The following CHST11 variants were observed in gnomAD, a reference collection of about 807,000 sequenced individuals.
CHST11 encodes carbohydrate sulfotransferase 11.
A neutral mutation model predicts 30.4 loss-of-function variants in CHST11; 9 were observed. That is an observed-to-expected ratio of 0.30 (90% CI 0.18 to 0.52). The LOEUF is 0.52. CHST11 is among the 20% of genes least tolerant of loss of function. The pLI is 0.97. For synonymous variants in CHST11, 152 were observed against 187.8 expected, an observed-to-expected ratio of 0.81 and a Z score of 1.56; for missense variants, 348 against 460.6, an observed-to-expected ratio of 0.76 and a Z score of 2.24.
chr12:104,487,256 T>G (rs765348112), intron 1 of CHST11, among the ~76,000 whole-genome samples: 1 of 152,130 alleles, frequency 6.6e-6, no homozygotes, highest in Non-Finnish European at 1.5e-5. Context: ...ATATGTTGGT[T>G]TTTCTTTTTT....
At chr12:104,755,918 C>G (rs529704618) in intron 2 of CHST11, among the ~76,000 whole-genome samples, 11 of 152,176 alleles carry the variant, frequency 7.2e-5, no homozygotes, top group East Asian at 3.9e-4. Flanking sequence ...GGGACCCCCC[C>G]CTCCGGTTAT....
At chr12:104,571,925 G>A (rs190098681) in intron 1 of CHST11, among the ~76,000 whole-genome samples, 1 of 152,094 alleles carries the variant, frequency 6.6e-6, no homozygotes, top group Non-Finnish European at 1.5e-5. Context: ...TAGCATGAAG[G>A]GTTGTTGAAT....
chr12:104,472,912 T>A (rs990040363), intron 1 of CHST11, among the ~76,000 whole-genome samples: 12 of 151,998 alleles, frequency 7.9e-5, no homozygotes, highest in African/African-American at 2.9e-4. Flanking sequence ...GGAAAGACAT[T>A]CCAGGTGAGG....
At chr12:104,619,205 A>C (rs1352068457) in intron 2 of CHST11, among the ~76,000 whole-genome samples, 1 of 151,974 alleles carries the variant, frequency 6.6e-6, no homozygotes, top group East Asian at 1.9e-4. Context: ...TGCCGGCTAC[A>C]CCTCTCGGTT....
At chr12:104,702,911 C>A (rs2040001649) in intron 2 of CHST11, among the ~76,000 whole-genome samples, 1 of 152,206 alleles carries the variant, frequency 6.6e-6, no homozygotes, top group Admixed American at 6.5e-5. Context: ...GACTTGGAGT[C>A]CAAGTCCTCC....
chr12:104,563,406 G>A (rs1185186199), intron 1 of CHST11, among the ~76,000 whole-genome samples: 2 of 152,188 alleles, frequency 1.3e-5, no homozygotes, highest in Non-Finnish European at 2.9e-5. Context: ...CAAAGCAGTC[G>A]TTGTGATCAC....
At chr12:104,646,939 A>T (rs1056826832) in intron 2 of CHST11, among the ~76,000 whole-genome samples, 2 of 152,230 alleles carry the variant, frequency 1.3e-5, no homozygotes, top group African/African-American at 4.8e-5. Flanking sequence ...ACAGTGAGCA[A>T]AGCCAAGTAC....
Position 104,598,421 on chromosome 12 carries a change from G to A in CHST11, c.119-3485G>A, listed in dbSNP as rs187336786. ...TACAGTGTCTTCTGAGGTAGATGGAGCCAGGTTGTGTGGAAATTGTTTATT... is the reference window on the plus strand; with the variant it reads ...TACAGTGTCTTCTGAGGTAGATGGAACCAGGTTGTGTGGAAATTGTTTATT... On this transcript the variant is annotated intron_variant, in intron 1 of 2. Transcript: ENST00000303694. Among the ~76,000 whole-genome samples the A allele has an allele frequency of 2.6e-5, 4 of 152,316 alleles. No individual in the cohort carries two copies. The East Asian group carries it at 7.7e-4, about 29-fold the overall frequency.
intron 2 of CHST11, among the ~76,000 whole-genome samples, chr12:104,671,345 G>T (rs2039695715): frequency 6.6e-6 from 1 of 152,180 alleles, no homozygotes; most frequent in African/African-American, 2.4e-5. Context: ...ATTTGGTTTT[G>T]CTGTGCCTTC....
At chr12:104,495,414 C>A (rs964937893) in intron 1 of CHST11, among the ~76,000 whole-genome samples, 1 of 152,104 alleles carries the variant, frequency 6.6e-6, no homozygotes, top group Non-Finnish European at 1.5e-5. Flanking sequence ...CCACAGTGGT[C>A]GTGCCATTTT....
intron 1 of CHST11, among the ~76,000 whole-genome samples, chr12:104,463,889 C>T (rs1437927013): frequency 1.3e-5 from 2 of 152,022 alleles, no homozygotes; most frequent in African/African-American, 2.4e-5. Flanking sequence ...CGGAGGCAGC[C>T]AACAACCACA....
intron 1 of CHST11, among the ~76,000 whole-genome samples, chr12:104,590,265 G>C (rs373553223): frequency 1.3e-5 from 2 of 152,208 alleles, no homozygotes; most frequent in East Asian, 1.9e-4. Flanking sequence ...CCCCTGGGGT[G>C]CTCATCAAGC....
intron 2 of CHST11, among the ~76,000 whole-genome samples, chr12:104,747,468 C>CT (rs1056733992): frequency 1.2e-4 from 19 of 152,176 alleles, no homozygotes; most frequent in African/African-American, 4.3e-4. Flanking sequence ...ATATGTGACC[C>CT]TTTTTTTGCT....
chr12:104,653,157 G>A (rs779318401), intron 2 of CHST11, among the ~76,000 whole-genome samples: 57 of 151,932 alleles, frequency 3.8e-4, no homozygotes, highest in Non-Finnish European at 6.5e-4. Flanking sequence ...CATTTCTCCT[G>A]CCCGCCAGCC....
At chr12:104,641,676 TAAAACTGCTC>T (rs1391643938) in intron 2 of CHST11, among the ~76,000 whole-genome samples, 3 of 152,160 alleles carry the variant, frequency 2.0e-5, no homozygotes, top group Non-Finnish European at 2.9e-5. Flanking sequence ...TCTGTCAACC[TAAAACTGCTC>T]AAAAAAGAGA....
chr12:104,503,974 C>G (rs754228999), intron 1 of CHST11, among the ~76,000 whole-genome samples: 1 of 152,200 alleles, frequency 6.6e-6, no homozygotes, highest in Non-Finnish European at 1.5e-5. Flanking sequence ...ATTTTGGGCT[C>G]AGAAAGCTGG....
intron 2 of CHST11, among the ~76,000 whole-genome samples, chr12:104,703,964 C>T (rs985547622): frequency 1.3e-5 from 2 of 152,272 alleles, no homozygotes; most frequent in African/African-American, 4.8e-5. Context: ...TAGTTACGAC[C>T]GGGTTCTTGT....
chr12:104,707,351 G>C (rs1318329736), intron 2 of CHST11, among the ~76,000 whole-genome samples: 1 of 152,206 alleles, frequency 6.6e-6, no homozygotes, highest in Non-Finnish European at 1.5e-5. Context: ...CGAATGGGCT[G>C]TGATATCACT....
intron 2 of CHST11, among the ~76,000 whole-genome samples, chr12:104,707,269 T>C (rs1009154653): frequency 7.9e-5 from 12 of 152,226 alleles, no homozygotes; most frequent in African/African-American, 2.7e-4. Flanking sequence ...AATGGGTGGG[T>C]GAAACCCCTT....
Sources: allele counts gnomAD v4.1 joint callset (sites outside exome capture counted in the v4.1 genomes callset), GRCh38; gene constraint gnomAD v4.1.1; transcripts MANE v1.5; gene names NCBI Gene and HGNC (gene_info 2026-07-23, HGNC 2026-07-21).